The following RBFOX1 variants were observed in gnomAD, a reference collection of about 807,000 sequenced individuals.
RBFOX1 encodes the protein RNA binding fox-1 homolog 1.
A neutral mutation model predicts 57.7 loss-of-function variants in RBFOX1; 8 were observed. The ratio of observed to expected loss-of-function variants is 0.14; its 90% CI spans 0.08 to 0.25. The LOEUF (loss-of-function observed/expected upper bound fraction) is 0.25, where lower values mean the gene tolerates loss of function less well. Ranked by LOEUF, RBFOX1 falls within the 10% of genes least tolerant of loss-of-function variation. The pLI is 1.00. For missense variants in RBFOX1, 611 were observed against 548.5 expected, an observed-to-expected ratio of 1.11 and a Z score of -1.14; for synonymous variants, 326 against 222.4, an observed-to-expected ratio of 1.47 and a Z score of -4.15.
intron 2 of RBFOX1, among the ~76,000 whole-genome samples, chr16:6,523,231 T>C (rs1302270669): frequency 6.6e-6 from 1 of 151,780 alleles, no homozygotes; most frequent in East Asian, 1.9e-4. Flanking sequence ...AGCAAGTACT[T>C]GGGAAATACC....
At chr16:7,588,514 C>G (rs573830291) in intron 7 of RBFOX1, among the ~76,000 whole-genome samples, 1 of 152,324 alleles carries the variant, frequency 6.6e-6, no homozygotes, top group East Asian at 1.9e-4. Flanking sequence ...TTCAATAGCT[C>G]TGACGGGTCT....
chr16:7,223,712 G>GAAAAAAAAA (rs71147673), intron 4 of RBFOX1, among the ~76,000 whole-genome samples: 2 of 130,456 alleles, frequency 1.5e-5, no homozygotes, highest in East Asian at 2.1e-4. Context: ...CAGTGTTTCA[G>GAAAAAAAAA]AAAAAAAAAA....
At chr16:5,962,977 C>G (rs2059779138) in intron 4 of RBFOX1, among the ~76,000 whole-genome samples, 1 of 152,016 alleles carries the variant, frequency 6.6e-6, no homozygotes, top group Non-Finnish European at 1.5e-5. Flanking sequence ...TGCCTCCACT[C>G]TGGTCTTGAA....
chr16:5,247,701 C>T (rs898241740), intron 1 of RBFOX1, among the ~76,000 whole-genome samples: 9 of 152,160 alleles, frequency 5.9e-5, no homozygotes, highest in South Asian at 2.1e-4. Context: ...GCGACAGAGA[C>T]CTATGGCCTG....
At chr16:7,635,785 C>G (rs2142995051) in intron 11 of RBFOX1, among the ~76,000 whole-genome samples, 1 of 152,118 alleles carries the variant, frequency 6.6e-6, no homozygotes, top group African/African-American at 2.4e-5. Context: ...ATTCAAGCCA[C>G]TTCTTTTTAC....
chr16:7,560,675 G>A (rs1156268772), intron 5 of RBFOX1, among the ~76,000 whole-genome samples: 3 of 152,072 alleles, frequency 2.0e-5, no homozygotes, highest in African/African-American at 4.8e-5. Context: ...CAGAAAGGGC[G>A]AGTGACTTTC....
chr16:5,882,684 G>T (rs2057791878), intron 4 of RBFOX1, among the ~76,000 whole-genome samples: 1 of 152,198 alleles, frequency 6.6e-6, no homozygotes, highest in Admixed American at 6.5e-5. Flanking sequence ...TCCCCATGGT[G>T]CCTGGACTGA....
chr16:7,132,510 A>C (rs1033859663), intron 4 of RBFOX1, among the ~76,000 whole-genome samples: 1 of 151,828 alleles, frequency 6.6e-6, no homozygotes, highest in African/African-American at 2.4e-5. Flanking sequence ...AACATAAGAC[A>C]AATGTATTCA....
In RBFOX1 at chr16:5,567,687, G is replaced by C. The variant is rs1024429904; in HGVS notation, c.259-31215G>C. Among the ~76,000 whole-genome samples, 6 of 132,164 alleles carry C rather than the reference G, an allele frequency of 4.5e-5. No homozygotes were observed. The South Asian group carries it at 8.2e-4, about 18-fold the overall frequency. 86.7% of individuals were successfully genotyped at this position (132,164 alleles called of 152,430 possible). A position where few individuals can be genotyped will look rare whatever the true frequency, so the allele number is the denominator to read the frequency against. On this transcript the variant is annotated intron_variant, in intron 2 of 2. Transcript: ENST00000585867. Reference sequence around the variant, plus strand: ...TCCTAGATGGAAGGGCTGTGTCTATGTTTAGACAAGATTACTGTCATTGCT... The same window carrying C: ...TCCTAGATGGAAGGGCTGTGTCTATCTTTAGACAAGATTACTGTCATTGCT...
intron 3 of RBFOX1, among the ~76,000 whole-genome samples, chr16:6,714,960 G>T (rs74006739): frequency 0.034 from 5,118 of 152,270 alleles, 283 homozygotes; most frequent in African/African-American, 0.12. Context: ...GCACCTTGAA[G>T]GAATTGTGGT....
intron 2 of RBFOX1, among the ~76,000 whole-genome samples, chr16:5,486,846 A>G (rs1359101838): frequency 2.6e-5 from 4 of 152,082 alleles, no homozygotes; most frequent in Non-Finnish European, 5.9e-5. Flanking sequence ...AGATTTAAGA[A>G]TAAAACCTGA....
At chr16:7,660,372 G>T (rs1235855063) in intron 12 of RBFOX1, among the ~76,000 whole-genome samples, 1 of 152,184 alleles carries the variant, frequency 6.6e-6, no homozygotes, top group South Asian at 2.1e-4. Flanking sequence ...TGTTTAGTGC[G>T]CAATGGTAAC....
intron 4 of RBFOX1, among the ~76,000 whole-genome samples, chr16:7,444,584 C>T (rs2098794336): frequency 6.6e-6 from 1 of 152,052 alleles, no homozygotes; most frequent in South Asian, 2.1e-4. Context: ...CCAAGCTAGA[C>T]TGCAGTGGCA....
chr16:6,678,829 C>T (rs576141501), intron 3 of RBFOX1, among the ~76,000 whole-genome samples: 9 of 152,136 alleles, frequency 5.9e-5, no homozygotes, highest in Admixed American at 2.6e-4. Context: ...ACGGTTCATC[C>T]AGGAGGCTGA....
rs138066505 is a variant in RBFOX1 at position 6,065,331 on chromosome 16, G to A, written c.-127+45339G>A. ...ATTACAGGTGTGAACCACCGCACGC[G>A]GCCCTATGATTCTTATGGATGCCTA... On this transcript the variant is annotated intron_variant, in intron 1 of 15. Coordinates refer to ENST00000550418, the MANE Select transcript of RBFOX1 (RefSeq NM_018723.4). 7.2e-5 allele frequency among the ~76,000 whole-genome samples: 11 copies of A among 151,872 alleles called. No individual in the cohort carries two copies. The East Asian group carries it at 1.7e-3, about 24-fold the overall frequency.
intron 3 of RBFOX1, among the ~76,000 whole-genome samples, chr16:6,712,396 C>G (rs1237409569): frequency 3.9e-5 from 6 of 152,084 alleles, no homozygotes; most frequent in Non-Finnish European, 8.8e-5. Context: ...GATAATCTGC[C>G]TAATGACTGG....
chr16:5,454,874 CT>C (rs1555524148), intron 1 of RBFOX1, among the ~76,000 whole-genome samples: 8 of 71,950 alleles, frequency 1.1e-4, no homozygotes, highest in Non-Finnish European at 2.1e-4. Context: ...TTCTTTCTTT[CT>C]TTCTTTCTTT....
chr16:6,718,219 T>C (rs1313678268), intron 3 of RBFOX1, among the ~76,000 whole-genome samples: 1 of 152,138 alleles, frequency 6.6e-6, no homozygotes, highest in Admixed American at 6.6e-5. Flanking sequence ...TAACAGCAAT[T>C]AATGTTTATA....
chr16:5,826,355 G>T (rs1306575619), intron 3 of RBFOX1, among the ~76,000 whole-genome samples: 1 of 152,134 alleles, frequency 6.6e-6, no homozygotes, highest in Non-Finnish European at 1.5e-5. Context: ...GTCCCCAGTA[G>T]ATGTCCAGCT....
Sources: allele counts gnomAD v4.1 joint callset (sites outside exome capture counted in the v4.1 genomes callset), GRCh38; gene constraint gnomAD v4.1.1; transcripts MANE v1.5; gene names NCBI Gene and HGNC (gene_info 2026-07-23, HGNC 2026-07-21).